The following DAAM1 variants were observed in gnomAD, a reference collection of about 807,000 sequenced individuals.
DAAM1 encodes dishevelled associated activator of morphogenesis 1.
In DAAM1, 52 loss-of-function variants were observed where a neutral mutation model predicts 130.0. The ratio of observed to expected loss-of-function variants is 0.40; its 90% CI spans 0.32 to 0.50. The LOEUF is 0.50. Ranked by LOEUF, DAAM1 falls within the 20% of genes least tolerant of loss-of-function variation. The pLI, the probability that DAAM1 is intolerant of heterozygous loss-of-function variation, is 0.61. For synonymous variants in DAAM1, 452 were observed against 444.5 expected (o/e 1.02, Z -0.21); for missense variants, 1,134 against 1,303.8 (o/e 0.87, Z 2.01).
intron 1 of DAAM1, among the ~76,000 whole-genome samples, chr14:59,225,019 G>GTTTTTTTTTTTTT (rs869233694): frequency 1.4e-4 from 13 of 90,808 alleles, no homozygotes; most frequent in Non-Finnish European, 2.1e-4. Flanking sequence ...ATCTGTGTGG[G>GTTTTTTTTTTTTT]TTTTTTTTTT....
At chr14:59,338,478 C>A in intron 15 of DAAM1, 2 of 1,568,076 alleles carry the variant, frequency 1.3e-6, no homozygotes, top group Non-Finnish European at 8.8e-7. Context: ...AGCTTGAAAT[C>A]TCTTCGTTAT....
intron 5 of DAAM1, among the ~76,000 whole-genome samples, chr14:59,321,963 T>G (rs1167443133): frequency 6.6e-6 from 1 of 152,228 alleles, no homozygotes; most frequent in Non-Finnish European, 1.5e-5. Flanking sequence ...TCTCATTGAT[T>G]AACTTAAGTG....
At chr14:59,269,408 C>T (rs973006366) in intron 2 of DAAM1, among the ~76,000 whole-genome samples, 2 of 152,208 alleles carry the variant, frequency 1.3e-5, no homozygotes, top group South Asian at 4.1e-4. Context: ...TGGTGCCATA[C>T]ATTACACAGG....
intron 1 of DAAM1, among the ~76,000 whole-genome samples, chr14:59,229,192 A>C (rs1269750259): frequency 6.6e-6 from 1 of 152,162 alleles, no homozygotes; most frequent in East Asian, 1.9e-4. Context: ...TTTTTACCAA[A>C]GACACTCCCA....
chr14:59,253,933 C>T (rs1881757189), intron 1 of DAAM1, among the ~76,000 whole-genome samples: 2 of 152,228 alleles, frequency 1.3e-5, no homozygotes, highest in South Asian at 4.1e-4. Context: ...TTCAACTTCG[C>T]ATCTCTCAAA....
intron 1 of DAAM1, among the ~76,000 whole-genome samples, chr14:59,237,046 G>T (rs1373882759): frequency 1.3e-5 from 2 of 152,140 alleles, no homozygotes; most frequent in African/African-American, 4.8e-5. Flanking sequence ...CAAAACTGTT[G>T]GTGAGGGGGC....
Position 59,269,826 on chromosome 14 carries a change from T to G in DAAM1, c.183+6166T>G, listed in dbSNP as rs370201856. Among the ~76,000 whole-genome samples, 12 of 151,808 alleles carry G rather than the reference T, an allele frequency of 7.9e-5. 1 individual carries two copies. Among genetic ancestry groups the G allele is most frequent in the Admixed American group, 7.2e-4 (11 of 15,254 alleles). Reference sequence around the variant, plus strand: ...AAGAGCATGTATAAGTGCTAGAGAGTGAGAGAAGGCATGGAAGGCTCAGGT... The same window carrying G: ...AAGAGCATGTATAAGTGCTAGAGAGGGAGAGAAGGCATGGAAGGCTCAGGT... On this transcript the variant is annotated intron_variant, in intron 2 of 24. Transcript: ENST00000360909.
intron 1 of DAAM1, among the ~76,000 whole-genome samples, chr14:59,234,401 G>A (rs954550683): frequency 6.6e-6 from 1 of 152,094 alleles, no homozygotes; most frequent in Admixed American, 6.6e-5. Context: ...ATTGTGAATG[G>A]CAGTTTATTC....
chr14:59,364,329 GTT>G (rs968836137), intron 23 of DAAM1, among the ~76,000 whole-genome samples: 1 of 144,320 alleles, frequency 6.9e-6, no homozygotes, highest in African/African-American at 2.5e-5. Flanking sequence ...ATTACAAGAG[GTT>G]TTTTTTTTTT....
chr14:59,355,374 G>T (rs754556291), intron 20 of DAAM1, 41 bp downstream of exon 20: 6 of 1,609,540 alleles, frequency 3.7e-6, no homozygotes, highest in South Asian at 2.2e-5. Flanking sequence ...AGCCAGGTGT[G>T]TAGGTCCAGG....
intron 17 of DAAM1, among the ~76,000 whole-genome samples, chr14:59,351,753 T>A (rs191856688): frequency 0.034 from 4,852 of 143,772 alleles, 265 homozygotes; most frequent in African/African-American, 0.11. Context: ...GTCAATGTTT[T>A]AAAAAAAAAA....
At chr14:59,338,541 G>A (rs1885714946) in intron 15 of DAAM1, 4 of 961,940 alleles carry the variant, frequency 4.2e-6, no homozygotes, top group South Asian at 3.1e-5. Flanking sequence ...CTAATGCCTA[G>A]GTAACTCCAC....
At chr14:59,215,674 A>G (rs1486383895) in intron 1 of DAAM1, among the ~76,000 whole-genome samples, 1 of 152,186 alleles carries the variant, frequency 6.6e-6, no homozygotes, top group African/African-American at 2.4e-5. Context: ...GTCCCAGTAC[A>G]CCAGCCAAAG....
At chr14:59,354,062 ATT>A (rs10713024) in intron 19 of DAAM1, 98 bp downstream of exon 19, 96,171 of 857,734 alleles carry the variant, frequency 0.11, 3 homozygotes, top group East Asian at 0.2. Context: ...CCCCTTGGTG[ATT>A]TTTTTTTTTT....
chr14:59,209,509 A>T (rs1035627813), intron 1 of DAAM1, among the ~76,000 whole-genome samples: 6 of 152,224 alleles, frequency 3.9e-5, no homozygotes. Flanking sequence ...ATATGCATTC[A>T]GTAGAAATTG....
At chr14:59,252,369 C>T (rs905349950) in intron 1 of DAAM1, among the ~76,000 whole-genome samples, 1 of 152,204 alleles carries the variant, frequency 6.6e-6, no homozygotes, top group Non-Finnish European at 1.5e-5. Context: ...CTTGCAGTAA[C>T]TAAATTTGGT....
At chr14:59,223,217 C>T (rs1269939) in intron 1 of DAAM1, among the ~76,000 whole-genome samples, 19,585 of 152,224 alleles carry the variant, frequency 0.13, 1,462 homozygotes, top group Middle Eastern at 0.2. Flanking sequence ...GATCTGCTTT[C>T]GCCTGATCGT....
At chr14:59,360,956 A>AT in intron 22 of DAAM1, 94 bp downstream of exon 22, 5 of 1,018,156 alleles carry the variant, frequency 4.9e-6, no homozygotes, top group Non-Finnish European at 4.3e-6. Context: ...GGCATGTGGT[A>AT]TGCCCGGGAT....
intron 13 of DAAM1, 93 bp downstream of exon 13, chr14:59,330,781 A>G (rs1885398105): frequency 7.9e-7 from 1 of 1,265,104 alleles, no homozygotes. Flanking sequence ...TACTGGGGGA[A>G]TAAAATCTGA....
Sources: gnomAD v4.1 joint callset for allele counts (sites outside exome capture counted in the v4.1 genomes callset) on GRCh38, gnomAD v4.1.1 for gene constraint, MANE v1.5 for transcripts, NCBI Gene and HGNC (gene_info 2026-07-23, HGNC 2026-07-21) for gene names.